Variants in C17orf67 observed in about 807,000 individuals in gnomAD.
C17orf67 encodes the protein uncharacterized protein C17orf67.
C17orf67 carries 12 observed loss-of-function variants against 11.2 expected under a neutral mutation model. The ratio of observed to expected loss-of-function variants is 1.07; its 90% CI spans 0.68 to 1.73. The LOEUF is 1.73. Ranked by LOEUF, C17orf67 falls within the 40% of genes most tolerant of loss-of-function variation. The pLI is 0.00. For missense variants in C17orf67, 115 were observed against 113.5 expected (o/e 1.01, Z -0.06); for synonymous variants, 59 against 46.9 (o/e 1.26, Z -1.05).
chr17:56,827,464 A>C (rs1906068679), intron 2 of C17orf67, among the ~76,000 whole-genome samples: 1 of 152,222 alleles, frequency 6.6e-6, no homozygotes, highest in Non-Finnish European at 1.5e-5. Context: ...TTCCCTGAGA[A>C]AGGAAATCAG....
At chr17:56,801,912 T>C (rs73323072) in intron 6 of C17orf67, among the ~76,000 whole-genome samples, 3,908 of 152,276 alleles carry the variant, frequency 0.026, 172 homozygotes, top group African/African-American at 0.089. Flanking sequence ...TGCTGGCCTG[T>C]TTGCCAGACA....
At chr17:56,829,019 C>T (rs1157357036) in intron 2 of C17orf67, among the ~76,000 whole-genome samples, 2 of 152,162 alleles carry the variant, frequency 1.3e-5, no homozygotes, top group Non-Finnish European at 2.9e-5. Context: ...GCTGCTCACA[C>T]CTGTAATTTC....
intron 5 of C17orf67, among the ~76,000 whole-genome samples, chr17:56,815,420 T>A (rs1421409161): frequency 6.6e-6 from 1 of 152,216 alleles, no homozygotes; most frequent in African/African-American, 2.4e-5. Context: ...AGTGCTTTGA[T>A]AATTACTTGC....
At chr17:56,820,321 AC>A (rs1191657219) in intron 4 of C17orf67, among the ~76,000 whole-genome samples, 3 of 152,220 alleles carry the variant, frequency 2.0e-5, no homozygotes, top group Non-Finnish European at 4.4e-5. Flanking sequence ...ATTAATATTT[AC>A]CCACTTATTC....
rs556413497 is a variant in C17orf67, at chr17:56,811,771, C to A, written c.156+3098G>T. Among the ~76,000 whole-genome samples, 38 of 152,326 alleles carry A rather than the reference C, an allele frequency of 2.5e-4. No individual in the cohort carries two copies. The South Asian group carries it at 6.4e-3, about 26-fold the overall frequency. ...ATCTTGATCAGCACGCACCACTTGA[C>A]CCTCTCACTCTCTCTTTTTGTCTAA... On this transcript the variant is annotated intron_variant, in intron 6 of 7. Coordinates refer to ENST00000397861, the MANE Select transcript of C17orf67 (RefSeq NM_001085430.4).
intron 6 of C17orf67, among the ~76,000 whole-genome samples, chr17:56,802,117 G>A (rs1567793507): frequency 6.6e-6 from 1 of 152,186 alleles, no homozygotes; most frequent in African/African-American, 2.4e-5. Context: ...TGCCAAATAA[G>A]TAGCCTGCAT....
chr17:56,813,375 T>A (rs2144132874), intron 6 of C17orf67, among the ~76,000 whole-genome samples: 1 of 152,126 alleles, frequency 6.6e-6, no homozygotes, highest in African/African-American at 2.4e-5. Flanking sequence ...CTGCATTCCT[T>A]CTCAGCCCTT....
chr17:56,799,273 T>C (rs1905267938), intron 6 of C17orf67, among the ~76,000 whole-genome samples: 1 of 152,242 alleles, frequency 6.6e-6, no homozygotes, highest in African/African-American at 2.4e-5. Context: ...CTGATCTTTA[T>C]ACTGTCTCTA....
intron 6 of C17orf67, among the ~76,000 whole-genome samples, chr17:56,806,367 G>A (rs1905452933): frequency 6.6e-6 from 1 of 152,036 alleles, no homozygotes; most frequent in Non-Finnish European, 1.5e-5. Flanking sequence ...AATTATACAA[G>A]TAATTACTCT....
rs931686375 is a variant in C17orf67, at chr17:56,798,421, C to G, written c.157-3241G>C. On this transcript the variant is annotated intron_variant, in intron 6 of 7. Transcript: ENST00000397861. Reference sequence around the variant, plus strand: ...GTCTTCACACAGGCACAGCCTCCCCCACTACCAACATCCCCCACCAGCATG... The same window carrying G: ...GTCTTCACACAGGCACAGCCTCCCCGACTACCAACATCCCCCACCAGCATG... Among the ~76,000 whole-genome samples the G allele has an allele frequency of 5.9e-5, 9 of 152,286 alleles. No homozygotes were observed. The South Asian group carries it at 1.9e-3, about 32-fold the overall frequency.
intron 7 of C17orf67, 49 bp downstream of exon 7, chr17:56,794,995 C>T (rs1905181580): frequency 2.2e-6 from 3 of 1,348,320 alleles, no homozygotes; most frequent in African/African-American, 1.4e-5. Flanking sequence ...GCCATGCTGT[C>T]CCCCACCACT....
At chr17:56,828,271 G>A (rs1255566582) in intron 2 of C17orf67, among the ~76,000 whole-genome samples, 1 of 152,092 alleles carries the variant, frequency 6.6e-6, no homozygotes, top group Non-Finnish European at 1.5e-5. Context: ...TGGACGTGGT[G>A]GCGCATGCGT....
intron 6 of C17orf67, among the ~76,000 whole-genome samples, chr17:56,796,791 C>T (rs1905221972): frequency 6.6e-6 from 1 of 152,134 alleles, no homozygotes; most frequent in African/African-American, 2.4e-5. Context: ...TGTCCCACCC[C>T]TGCGTGTTGC....
intron 2 of C17orf67, among the ~76,000 whole-genome samples, chr17:56,827,170 C>T (rs2144151508): frequency 6.6e-6 from 1 of 152,368 alleles, no homozygotes; most frequent in African/African-American, 2.4e-5. Flanking sequence ...CAGCTCTCAC[C>T]AGATGGTGAG....
chr17:56,802,010 C>A (rs1567793488), intron 6 of C17orf67, among the ~76,000 whole-genome samples: 1 of 152,212 alleles, frequency 6.6e-6, no homozygotes, highest in African/African-American at 2.4e-5. Flanking sequence ...GTTTGTTCAT[C>A]TGCAAGATGG....
chr17:56,813,300 C>T (rs1014972840), intron 6 of C17orf67, among the ~76,000 whole-genome samples: 1 of 151,948 alleles, frequency 6.6e-6, no homozygotes, highest in Non-Finnish European at 1.5e-5. Context: ...CTTCCTTCAC[C>T]CCAGCCCCTC....
chr17:56,799,454 G>C (rs78947224), intron 6 of C17orf67, among the ~76,000 whole-genome samples: 37 of 152,338 alleles, frequency 2.4e-4, no homozygotes, highest in Non-Finnish European at 4.9e-4. Context: ...TTGTCTGCAT[G>C]TATCATAGTT....
intron 5 of C17orf67, 112 bp from the exon 6 acceptor site, chr17:56,815,081 G>C (rs912613243): frequency 1.1e-6 from 1 of 887,348 alleles, no homozygotes; most frequent in Non-Finnish European, 1.9e-6. Flanking sequence ...AAACATGAAA[G>C]TTCTTTCCCG....
At chr17:56,817,824 C>A (rs1905795984) in intron 4 of C17orf67, among the ~76,000 whole-genome samples, 1 of 150,640 alleles carries the variant, frequency 6.6e-6, no homozygotes, top group Non-Finnish European at 1.5e-5. Context: ...TCTGTTTTCA[C>A]ATAATTTTCA....
Sources: gnomAD v4.1 joint callset for allele counts (sites outside exome capture counted in the v4.1 genomes callset) on GRCh38, gnomAD v4.1.1 for gene constraint, MANE v1.5 for transcripts, NCBI Gene and HGNC (gene_info 2026-07-23, HGNC 2026-07-21) for gene names.